The following CARHSP1 variants were observed in gnomAD, a reference collection of about 807,000 sequenced individuals.
CARHSP1 encodes calcium-regulated heat-stable protein 1.
Under a neutral mutation model 12.5 loss-of-function variants are expected in CARHSP1, and 14 were observed. That is an observed-to-expected ratio of 1.12 (90% CI 0.74 to 1.75). CARHSP1 has a LOEUF of 1.75. Ranked by LOEUF, CARHSP1 falls within the 40% of genes most tolerant of loss-of-function variation. The pLI, the probability that CARHSP1 is intolerant of heterozygous loss-of-function variation, is 0.00. For missense variants in CARHSP1, 343 were observed against 201.6 expected, an observed-to-expected ratio of 1.70 and a Z score of -4.25; for synonymous variants, 161 against 82.0, an observed-to-expected ratio of 1.96 and a Z score of -5.20.
In CARHSP1 at chr16:8,855,332, G is replaced by C. The variant is rs751713938; in HGVS notation, c.282-6C>G. 1.3e-6 allele frequency: 2 copies of C among 1,557,974 alleles called. No homozygotes were observed. Among genetic ancestry groups the C allele is most frequent in the African/African-American group, 1.4e-5 (1 of 73,354 alleles). ...GGACATACTCCCCTTCCACACTACG[G>C]GGGCATAAATAAAGCAGTCAGGGCT... On this transcript the variant is annotated splice_region_variant and splice_polypyrimidine_tract_variant and intron_variant, in intron 3 of 3. Transcript: ENST00000311052.
rs1477341230 is a variant in CARHSP1 at position 8,854,670 on chromosome 16, C to G, written c.*494G>C. 1.3e-5 allele frequency: 2 copies of G among 152,886 alleles called. No individual in the cohort carries two copies. The highest frequency in any genetic ancestry group is 6.5e-5 in the Admixed American group (1 of 15,288). 9.5% of individuals were successfully genotyped at this position (152,886 alleles called of 1,614,324 possible). A position where few individuals can be genotyped will look rare whatever the true frequency, so the allele number is the denominator to read the frequency against. ...AACCAAGCCAAGAATTAGAAAACTG[C>G]TTTGCCCAGGCCCCAGGAGAGGCGC... On this transcript the variant is annotated 3_prime_UTR_variant, in exon 4 of 4. Coordinates refer to ENST00000311052, the MANE Select transcript of CARHSP1 (RefSeq NM_014316.4).
chr16:8,861,540 G>T, intron 1 of CARHSP1: 1 of 1,152,560 alleles, frequency 8.7e-7, no homozygotes, highest in Non-Finnish European at 1.2e-6. Flanking sequence ...AGAGGAGAAG[G>T]GATGCCCCAT....
chr16:8,858,835 T>A, intron 2 of CARHSP1: 1 of 405,990 alleles, frequency 2.5e-6, no homozygotes, highest in African/African-American at 2.0e-5. Flanking sequence ...TGTGGGTCCT[T>A]TGCAGCCCTG....
rs546574727 is a variant in CARHSP1, at chr16:8,861,838, G to T, written c.-7-2503C>A. The T allele has an allele frequency of 2.3e-4, 275 of 1,192,942 alleles. No homozygotes were observed. The African/African-American group carries it at 4.1e-3, about 18-fold the overall frequency. The allele number at this position is 1,192,942 out of a possible 1,614,324, so 73.9% of individuals were successfully genotyped here. ...TCAACGCCCAGAGTTCCAGGAAAGA[G>T]GCTGGCCCTGGGAGGGGAGGGCCCT... On this transcript the variant is annotated intron_variant, in intron 1 of 3. Transcript: ENST00000311052.
chr16:8,866,694 A>C (rs1285503361), intron 1 of CARHSP1, among the ~76,000 whole-genome samples: 2 of 127,554 alleles, frequency 1.6e-5, no homozygotes, highest in Admixed American at 1.7e-4. Context: ...AGGAGCAGAG[A>C]GAGAGGAGGG....
intron 1 of CARHSP1, chr16:8,861,603 C>T: frequency 1.6e-6 from 2 of 1,288,624 alleles, no homozygotes; most frequent in Non-Finnish European, 2.0e-6. Flanking sequence ...CCCGTTGGGC[C>T]TCAGTTCTGT....
chr16:8,856,035 C>T (rs564756687), intron 3 of CARHSP1, among the ~76,000 whole-genome samples: 61 of 152,314 alleles, frequency 4.0e-4, no homozygotes, highest in African/African-American at 1.5e-3. Flanking sequence ...TCTCAAACTC[C>T]TGACCTTAAG....
At position 8,852,979 on chromosome 16, in the gene CARHSP1, T is replaced by C. The variant is rs533084526; in HGVS notation, c.*2185A>G. 4.6e-5 allele frequency: 7 copies of C among 152,280 alleles called. No homozygotes were observed. In the South Asian group the frequency reaches 1.2e-3, roughly 27 times the overall value. 9.4% of individuals were successfully genotyped at this position (152,280 alleles called of 1,614,324 possible). A position where few individuals can be genotyped will look rare whatever the true frequency, so the allele number is the denominator to read the frequency against. On this transcript the variant is annotated 3_prime_UTR_variant, in exon 4 of 4. Coordinates refer to ENST00000311052, the MANE Select transcript of CARHSP1 (RefSeq NM_014316.4). ...AAACAAAAATTTATTGGGAGAAAGA[T>C]GGCTGATGGGAGGCAAGATCTGGAT...
chr16:8,860,383 T>A (rs1596538095), intron 1 of CARHSP1: 3 of 985,356 alleles, frequency 3.0e-6, no homozygotes, highest in African/African-American at 1.7e-5. Flanking sequence ...GGGAATTCCC[T>A]AGCTGCTGCT....
rs963864101 is a variant in CARHSP1 at position 8,860,291 on chromosome 16, C to T, written c.-7-956G>A. On this transcript the variant is annotated intron_variant, in intron 1 of 3. Transcript: ENST00000311052. ...CTCCATCAGGCCCAGTGAATTTCCA[C>T]ACAGCCCGGGTCACCACGCTGTTAT... 44 of 983,238 alleles carry T rather than the reference C, an allele frequency of 4.5e-5. No homozygotes were observed. The Admixed American group carries it at 7.4e-4, about 16-fold the overall frequency. 60.9% of individuals were successfully genotyped at this position (983,238 alleles called of 1,614,324 possible).
chr16:8,861,931 T>A (rs2061367664), intron 1 of CARHSP1: 1 of 415,834 alleles, frequency 2.4e-6, no homozygotes, highest in African/African-American at 2.2e-5. Context: ...GACACTGCCC[T>A]GCCTTGTTCT....
rs117082139 is a variant in CARHSP1 at position 8,853,627 on chromosome 16, T to C, written c.*1537A>G. ...CGTTTACTGTCTGCCCAAAAGCCAG[T>C]TTCCAAAAGGTTTGCTTGCCTCTGT... On this transcript the variant is annotated 3_prime_UTR_variant, in exon 4 of 4. Transcript: ENST00000311052. 1.3e-5 allele frequency: 2 copies of C among 152,364 alleles called. No individual in the cohort carries two copies. Among genetic ancestry groups the C allele is most frequent in the Non-Finnish European group, 2.9e-5 (2 of 68,042 alleles). The allele number at this position is 152,364 out of a possible 1,614,324, so 9.4% of individuals were successfully genotyped here.
In CARHSP1 at chr16:8,855,009, C is replaced by G. The variant is rs968208887; in HGVS notation, c.*155G>C. 2 of 539,482 alleles carry G rather than the reference C, an allele frequency of 3.7e-6. No individual in the cohort carries two copies. Among genetic ancestry groups the G allele is most frequent in the African/African-American group, 3.9e-5 (2 of 50,924 alleles). 33.4% of individuals were successfully genotyped at this position (539,482 alleles called of 1,614,324 possible). On this transcript the variant is annotated 3_prime_UTR_variant, in exon 4 of 4. Coordinates refer to ENST00000311052, the MANE Select transcript of CARHSP1 (RefSeq NM_014316.4). ...GCCGGGAACACCCCACACCCCACAC[C>G]TGCCCCCCATACCCCTTCCTCCAGG... is the stretch of plus-strand genomic sequence containing the variant.
intron 3 of CARHSP1, 53 bp from the exon 4 acceptor site, chr16:8,855,379 T>TC: frequency 1.4e-6 from 2 of 1,395,094 alleles, no homozygotes; most frequent in African/African-American, 2.9e-5. Flanking sequence ...ACAGCTCCCT[T>TC]CCCCAAGACA....
In CARHSP1 at chr16:8,859,320, A is replaced by G; in HGVS notation, c.9T>C (p.Ser3=). ...GGGGCTGTGGTGGTGGGGGAGGCTCAGATGACATGGCTGACCTGGAAAGAG... is the reference window on the plus strand; with the variant it reads ...GGGGCTGTGGTGGTGGGGGAGGCTCGGATGACATGGCTGACCTGGAAAGAG... MS[S]EPPPPPQPPT... The change falls in exon 2 of 4, where the codon TCT becomes TCC. Residue 3 remains serine (S), a synonymous_variant. Transcript: ENST00000311052. 6.2e-7 allele frequency: 1 copy of G among 1,601,310 alleles called. No homozygotes were observed.
chr16:8,859,125 C>A (rs4995962), intron 2 of CARHSP1, 46 bp downstream of exon 2: 26 of 1,520,252 alleles, frequency 1.7e-5, no homozygotes, highest in Non-Finnish European at 2.2e-5. Flanking sequence ...TGGCCTCAGG[C>A]AAGAGATCCA....
chr16:8,859,275 G>GTATC lies in CARHSP1; in HGVS notation c.53_54insGATA (p.Gly19IlefsTer11). 6.2e-7 allele frequency: 1 copy of GTATC among 1,602,646 alleles called. No homozygotes were observed. The highest frequency in any genetic ancestry group is 1.7e-5 in the Admixed American group (1 of 58,236). ...GGCTCCGAGGGGTGTCCAGCAGCCC[G>GTATC]ACTGAAGCTTGATGGGTGGGGGGCT... On this transcript the variant is annotated frameshift_variant, in exon 2 of 4. Coordinates refer to ENST00000311052, the MANE Select transcript of CARHSP1 (RefSeq NM_014316.4). LOFTEE classifies it high-confidence loss of function.
intron 1 of CARHSP1, among the ~76,000 whole-genome samples, chr16:8,862,528 C>A (rs2061384384): frequency 2.0e-5 from 3 of 152,168 alleles, no homozygotes; most frequent in African/African-American, 7.2e-5. Context: ...CATTACAGAT[C>A]CCAAAAGGGC....
At chr16:8,858,554 TG>T in intron 2 of CARHSP1, 82 bp from the exon 3 acceptor site, 1 of 1,544,712 alleles carries the variant, frequency 6.5e-7, no homozygotes, top group African/African-American at 1.4e-5. Flanking sequence ...CCCACAGCTG[TG>T]CCCCATCAAG....
Sources: gnomAD v4.1 joint callset for allele counts (sites outside exome capture counted in the v4.1 genomes callset) on GRCh38, gnomAD v4.1.1 for gene constraint, MANE v1.5 for transcripts, NCBI Gene and HGNC (gene_info 2026-07-23, HGNC 2026-07-21) for gene names.